ITGBL1: variants seen among roughly 807,000 people sequenced by gnomAD.
ITGBL1 encodes the protein integrin subunit beta like 1, also known as integrin beta-like protein 1.
Under a neutral mutation model 68.5 loss-of-function variants are expected in ITGBL1, and 51 were observed. The observed-to-expected ratio is 0.74, with a 90% CI of 0.59 to 0.94. The LOEUF (loss-of-function observed/expected upper bound fraction) is 0.94. ITGBL1 is among the 40% of genes least tolerant of loss of function. The pLI is 0.00. For synonymous variants in ITGBL1, 209 were observed against 227.3 expected (o/e 0.92, Z 0.72); for missense variants, 649 against 647.4 (o/e 1.00, Z -0.03).
chr13:101,594,968 G>A (rs1338291249), intron 6 of ITGBL1, among the ~76,000 whole-genome samples: 1 of 152,174 alleles, frequency 6.6e-6, no homozygotes, highest in Non-Finnish European at 1.5e-5. Context: ...CAACTACTGG[G>A]GAGGGTAAGA....
In ITGBL1 at chr13:101,651,853, T is replaced by C. The variant is rs144088059; in HGVS notation, c.1016-40732T>C. On this transcript the variant is annotated intron_variant, in intron 7 of 10. Coordinates refer to ENST00000376180, the MANE Select transcript of ITGBL1 (RefSeq NM_004791.3). Reference sequence around the variant, plus strand: ...ATCCTGAGTTAATTTTTATATAAGATGTAAGGAAGGGGTCCAGTTTCCATT... The same window carrying C: ...ATCCTGAGTTAATTTTTATATAAGACGTAAGGAAGGGGTCCAGTTTCCATT... 8.4e-3 allele frequency among the ~76,000 whole-genome samples: 1,286 copies of C among 152,260 alleles called. 4 individuals carry two copies. Among genetic ancestry groups the C allele is most frequent in the Non-Finnish European group, 0.015 (1,008 of 68,010 alleles).
chr13:101,705,719 G>A (rs911455737), intron 8 of ITGBL1, among the ~76,000 whole-genome samples: 5 of 152,136 alleles, frequency 3.3e-5, no homozygotes, highest in African/African-American at 9.7e-5. Flanking sequence ...ATGGAGCAAG[G>A]TTCACTCCTG....
At chr13:101,659,750 C>A (rs1027991368) in intron 7 of ITGBL1, among the ~76,000 whole-genome samples, 1 of 152,094 alleles carries the variant, frequency 6.6e-6, no homozygotes, top group South Asian at 2.1e-4. Context: ...TGTGAGCCAC[C>A]GCACAGGTCC....
intron 2 of ITGBL1, among the ~76,000 whole-genome samples, chr13:101,486,614 C>A (rs1246708218): frequency 6.6e-6 from 1 of 152,072 alleles, no homozygotes; most frequent in Non-Finnish European, 1.5e-5. Context: ...GAGAAATGGG[C>A]AAAAATGATA....
intron 2 of ITGBL1, among the ~76,000 whole-genome samples, chr13:101,504,794 C>T (rs1043260011): frequency 1.3e-5 from 2 of 152,200 alleles, no homozygotes; most frequent in African/African-American, 4.8e-5. Flanking sequence ...TTGGTAGCTG[C>T]TGCTTCTGTC....
rs367672768 is a variant in ITGBL1 at position 101,533,741 on chromosome 13, A to C, written c.317-33958A>C. Among the ~76,000 whole-genome samples the C allele has an allele frequency of 7.4e-5, 10 of 135,066 alleles. No individual in the cohort carries two copies. The South Asian group carries it at 2.7e-3, about 36-fold the overall frequency. The allele number at this position is 135,066 out of a possible 152,430, so 88.6% of individuals were successfully genotyped here. A position where few individuals can be genotyped will look rare whatever the true frequency, so the allele number is the denominator to read the frequency against. ...TTGAGTATTATGATTTCCAATGCTG[A>C]AGTACAATAAAAGAGTTTGGCTAAG... On this transcript the variant is annotated intron_variant, in intron 2 of 10. Coordinates refer to ENST00000376180, the MANE Select transcript of ITGBL1 (RefSeq NM_004791.3).
intron 2 of ITGBL1, among the ~76,000 whole-genome samples, chr13:101,471,510 A>ATGTGTG (rs10634284): frequency 2.2e-5 from 3 of 133,858 alleles, no homozygotes; most frequent in African/African-American, 3.3e-5. Context: ...ACAAATATAT[A>ATGTGTG]TGTGTGTGTG....
At chr13:101,557,960 A>G (rs1010179644) in intron 2 of ITGBL1, among the ~76,000 whole-genome samples, 1 of 151,298 alleles carries the variant, frequency 6.6e-6, no homozygotes, top group Admixed American at 6.6e-5. Context: ...ATGGTGATGC[A>G]CTCCTGTAAT....
chr13:101,644,441 C>T (rs187040333), intron 7 of ITGBL1, among the ~76,000 whole-genome samples: 20 of 152,194 alleles, frequency 1.3e-4, no homozygotes, highest in East Asian at 3.9e-4. Context: ...CAAATGATTG[C>T]GATGCCTATG....
At chr13:101,684,710 G>A (rs118033678) in intron 7 of ITGBL1, among the ~76,000 whole-genome samples, 6 of 151,540 alleles carry the variant, frequency 4.0e-5, no homozygotes, top group Non-Finnish European at 8.9e-5. Flanking sequence ...ATATTCTACC[G>A]ACAAAGACAT....
intron 2 of ITGBL1, among the ~76,000 whole-genome samples, chr13:101,531,592 C>T (rs1396978096): frequency 7.3e-6 from 1 of 137,510 alleles, no homozygotes; most frequent in East Asian, 2.2e-4. Context: ...CACCCGATTA[C>T]TTCATAGCGT....
At chr13:101,680,289 G>A (rs2033611305) in intron 7 of ITGBL1, among the ~76,000 whole-genome samples, 1 of 152,102 alleles carries the variant, frequency 6.6e-6, no homozygotes, top group Non-Finnish European at 1.5e-5. Context: ...GGTTGCTATG[G>A]CAAACCTATT....
At chr13:101,658,825 G>A (rs1952129) in intron 7 of ITGBL1, among the ~76,000 whole-genome samples, 2,986 of 151,832 alleles carry the variant, frequency 0.02, 79 homozygotes, top group African/African-American at 0.067. Context: ...CCTAAGCAGC[G>A]GAGCACCTCC....
chr13:101,544,494 G>T (rs536219170), intron 2 of ITGBL1, among the ~76,000 whole-genome samples: 7 of 151,440 alleles, frequency 4.6e-5, no homozygotes, highest in Non-Finnish European at 7.4e-5. Context: ...TAGGCTCCTC[G>T]GGGGTCAGGG....
chr13:101,540,178 G>A (rs2049666921), intron 2 of ITGBL1, among the ~76,000 whole-genome samples: 1 of 152,052 alleles, frequency 6.6e-6, no homozygotes, highest in Non-Finnish European at 1.5e-5. Context: ...GGGTTTTTAT[G>A]GTTTTAGGTC....
chr13:101,706,813 T>C lies in ITGBL1; in HGVS notation c.1190T>C (p.Leu397Pro). 3 of 1,614,200 alleles carry C rather than the reference T, an allele frequency of 1.9e-6. No individual in the cohort carries two copies. The highest frequency in any genetic ancestry group is 2.5e-6 in the Non-Finnish European group (3 of 1,180,032). Residue 397 changes from leucine to proline, a missense_variant, in exon 9 of 11, where the codon CTC becomes CCC. Leu to Pro is a moderately conservative substitution (Grantham distance 98, BLOSUM62 -3). Coordinates refer to ENST00000376180, the MANE Select transcript of ITGBL1 (RefSeq NM_004791.3). Reference sequence around the variant, plus strand: ...TGTGAGAGAGGATGGTTTGGAAAGCTCTGCCAACATCCGCGGAAGTGTAAC... The same window carrying C: ...TGTGAGAGAGGATGGTTTGGAAAGCCCTGCCAACATCCGCGGAAGTGTAAC... ...CVCERGWFGK[L>P]CQHPRKCNMT...
At chr13:101,499,504 A>G (rs974298770) in intron 2 of ITGBL1, among the ~76,000 whole-genome samples, 12 of 152,176 alleles carry the variant, frequency 7.9e-5, no homozygotes, top group Non-Finnish European at 1.3e-4. Flanking sequence ...TAGCACTCAG[A>G]TATTCTTCTC....
intron 2 of ITGBL1, among the ~76,000 whole-genome samples, chr13:101,560,679 G>C (rs2050085182): frequency 6.6e-6 from 1 of 152,282 alleles, no homozygotes; most frequent in East Asian, 1.9e-4. Flanking sequence ...ACATCCCTCT[G>C]TATGCTGTTT....
intron 6 of ITGBL1, among the ~76,000 whole-genome samples, chr13:101,597,952 T>G (rs2030087339): frequency 6.6e-6 from 1 of 152,146 alleles, no homozygotes; most frequent in African/African-American, 2.4e-5. Flanking sequence ...ATCTTATCTG[T>G]TGCTTTTCTC....
Sources: allele counts gnomAD v4.1 joint callset (sites outside exome capture counted in the v4.1 genomes callset), GRCh38; gene constraint gnomAD v4.1.1; transcripts MANE v1.5; gene names NCBI Gene and HGNC (gene_info 2026-07-23, HGNC 2026-07-21).